STT3B: variants seen among roughly 807,000 people sequenced by gnomAD.
STT3B encodes the protein dolichyl-diphosphooligosaccharide--protein glycosyltransferase subunit STT3B.
STT3B carries 29 observed loss-of-function variants against 96.8 expected under a neutral mutation model. The observed-to-expected ratio is 0.30, with a 90% CI of 0.22 to 0.41. The LOEUF (loss-of-function observed/expected upper bound fraction) is 0.41. Among genes scored for constraint, STT3B ranks in the 10% least tolerant of loss-of-function variants. The pLI is 1.00. For synonymous variants in STT3B, 367 were observed against 360.0 expected, an observed-to-expected ratio of 1.02 and a Z score of -0.22; for missense variants, 640 against 1,022.3, an observed-to-expected ratio of 0.63 and a Z score of 5.10.
intron 3 of STT3B, among the ~76,000 whole-genome samples, chr3:31,591,625 T>A (rs563666052): frequency 5.3e-5 from 8 of 152,246 alleles, no homozygotes; most frequent in African/African-American, 1.7e-4. Flanking sequence ...ATATAGCAGC[T>A]TTGCTCCAAC....
intron 8 of STT3B, among the ~76,000 whole-genome samples, chr3:31,618,715 TA>T (rs1482077733): frequency 1.3e-5 from 2 of 152,034 alleles, no homozygotes; most frequent in Non-Finnish European, 2.9e-5. Flanking sequence ...TTAAAGGACA[TA>T]AGCAAATTAT....
intron 1 of STT3B, among the ~76,000 whole-genome samples, chr3:31,554,806 T>C (rs1004760350): frequency 8.5e-5 from 13 of 152,174 alleles, no homozygotes; most frequent in African/African-American, 2.9e-4. Flanking sequence ...CTATTTTCTC[T>C]AAGATTTTTA....
chr3:31,617,652 G>T (rs1699337168), intron 7 of STT3B, among the ~76,000 whole-genome samples: 1 of 151,650 alleles, frequency 6.6e-6, no homozygotes, highest in African/African-American at 2.4e-5. Flanking sequence ...TAATGCCTTA[G>T]CCTTATTAGT....
At chr3:31,585,830 A>G in intron 3 of STT3B, among the ~76,000 whole-genome samples, 1 of 152,032 alleles carries the variant, frequency 6.6e-6, no homozygotes. Context: ...GTTACTTTTT[A>G]TTGCTGAATA....
At chr3:31,566,421 T>C (rs770336090) in intron 1 of STT3B, among the ~76,000 whole-genome samples, 1 of 152,144 alleles carries the variant, frequency 6.6e-6, no homozygotes, top group Non-Finnish European at 1.5e-5. Context: ...CAAAGGAGTG[T>C]GTATGTGTGT....
intron 14 of STT3B, 60 bp from the exon 15 acceptor site, chr3:31,632,875 C>G: frequency 2.1e-6 from 3 of 1,423,176 alleles, no homozygotes; most frequent in Non-Finnish European, 2.9e-6. Context: ...CACTTACTGT[C>G]TTATAACACT....
At chr3:31,591,560 C>T (rs913866588) in intron 3 of STT3B, among the ~76,000 whole-genome samples, 20 of 152,118 alleles carry the variant, frequency 1.3e-4, no homozygotes, top group African/African-American at 4.1e-4. Flanking sequence ...ATGCAGAGAA[C>T]GAATTATGCA....
At chr3:31,588,214 C>A (rs1698588425) in intron 3 of STT3B, among the ~76,000 whole-genome samples, 1 of 152,002 alleles carries the variant, frequency 6.6e-6, no homozygotes, top group South Asian at 2.1e-4. Flanking sequence ...ATAGAACTTT[C>A]GACTCTGTTT....
intron 3 of STT3B, among the ~76,000 whole-genome samples, chr3:31,595,677 G>A (rs1222710423): frequency 2.0e-5 from 3 of 152,124 alleles, no homozygotes; most frequent in Non-Finnish European, 4.4e-5. Flanking sequence ...TATGAAATAT[G>A]GTATATTGGT....
At chr3:31,537,588 G>A (rs950959169) in intron 1 of STT3B, among the ~76,000 whole-genome samples, 4 of 152,196 alleles carry the variant, frequency 2.6e-5, no homozygotes, top group African/African-American at 9.7e-5. Flanking sequence ...GTTAGGGTCT[G>A]TCATGAATGC....
rs376995898 is a variant in STT3B at position 31,572,843 on chromosome 3, GA to G, written c.315-3550del. Among the ~76,000 whole-genome samples, 32 of 152,298 alleles carry G rather than the reference GA, an allele frequency of 2.1e-4. 1 individual carries two copies. In the South Asian group the frequency reaches 6.2e-3, roughly 30 times the overall value. ...CTGCACTGCAGAAGCATGGGCAACC[GA>G]AACAAAATTCTCATATGTCCTTTGA... On this transcript the variant is annotated intron_variant, in intron 1 of 15. Coordinates refer to ENST00000295770, the MANE Select transcript of STT3B (RefSeq NM_178862.3).
intron 8 of STT3B, 25 bp downstream of exon 8, chr3:31,618,013 AT>A (rs1699346936): frequency 1.3e-6 from 2 of 1,498,742 alleles, no homozygotes; most frequent in African/African-American, 2.8e-5. Flanking sequence ...ATTATTTGGC[AT>A]CATATTTATT....
At chr3:31,618,740 G>A (rs1699364864) in intron 8 of STT3B, among the ~76,000 whole-genome samples, 1 of 151,916 alleles carries the variant, frequency 6.6e-6, no homozygotes, top group African/African-American at 2.4e-5. Flanking sequence ...TGAATGACTG[G>A]AACTAACAAT....
chr3:31,554,340 T>TA (rs1697640035), intron 1 of STT3B, among the ~76,000 whole-genome samples: 1 of 152,236 alleles, frequency 6.6e-6, no homozygotes, highest in Admixed American at 6.5e-5. Flanking sequence ...CAAAAGCCCT[T>TA]AAACACCAGA....
rs546148585 is a variant in STT3B at position 31,628,257 on chromosome 3, T to C, written c.2074-1041T>C. Among the ~76,000 whole-genome samples, 4 of 152,282 alleles carry C rather than the reference T, an allele frequency of 2.6e-5. No homozygotes were observed. In the South Asian group the frequency reaches 8.3e-4, roughly 32 times the overall value. On this transcript the variant is annotated intron_variant, in intron 13 of 15. Coordinates refer to ENST00000295770, the MANE Select transcript of STT3B (RefSeq NM_178862.3). Reference sequence around the variant, plus strand: ...GGGCGGTGGAGTCCCTGGTAATCACTGGTTATTTTCTTGTGATTCTTAACT... The same window carrying C: ...GGGCGGTGGAGTCCCTGGTAATCACCGGTTATTTTCTTGTGATTCTTAACT...
chr3:31,622,240 G>C lies in STT3B; in HGVS notation c.1471G>C (p.Glu491Gln). ...CTATTTGGGGGATGACATGAAAAGG[G>C]AAAATCCACCTGTGGAGGACAGCAG... ...EHYLGDDMKR[E>Q]NPPVEDSSDE... Residue 491 changes from glutamate (E) to glutamine (Q), a missense_variant, in exon 10 of 16, where the codon GAA becomes CAA. Physicochemically the swap from Glu to Gln is conservative, Grantham distance 29 (BLOSUM62 2). Around this residue, in one of 8 missense-constraint regions of STT3B, gnomAD observed 149 missense variants for 250.2 expected, o/e 0.60. Coordinates refer to ENST00000295770, the MANE Select transcript of STT3B (RefSeq NM_178862.3). 1.2e-6 allele frequency: 2 copies of C among 1,614,128 alleles called. No individual in the cohort carries two copies. Among genetic ancestry groups the C allele is most frequent in the Non-Finnish European group, 1.7e-6 (2 of 1,179,996 alleles).
intron 1 of STT3B, among the ~76,000 whole-genome samples, chr3:31,541,135 A>G (rs1697255231): frequency 6.6e-6 from 1 of 152,244 alleles, no homozygotes; most frequent in African/African-American, 2.4e-5. Flanking sequence ...TGAGTTCTGC[A>G]AAGGATTTCA....
intron 1 of STT3B, among the ~76,000 whole-genome samples, chr3:31,535,677 C>T (rs758756073): frequency 1.2e-4 from 18 of 152,110 alleles, no homozygotes; most frequent in Non-Finnish European, 2.4e-4. Context: ...GAGCCGAGAT[C>T]GCGCCACTGC....
intron 1 of STT3B, among the ~76,000 whole-genome samples, chr3:31,538,255 C>T (rs1033051117): frequency 2.6e-5 from 4 of 152,162 alleles, no homozygotes; most frequent in Non-Finnish European, 4.4e-5. Flanking sequence ...TTCCCCAACA[C>T]CATGATAAAG....
Sources: allele counts gnomAD v4.1 joint callset (sites outside exome capture counted in the v4.1 genomes callset), GRCh38; gene constraint gnomAD v4.1.1; regional missense constraint gnomAD v4.1.1; transcripts MANE v1.5; gene names NCBI Gene and HGNC (gene_info 2026-07-23, HGNC 2026-07-21).